Variants in UGT2B4 observed in about 807,000 individuals in gnomAD.
The protein encoded by UGT2B4 is UDP-glucuronosyltransferase 2B4.
Under a neutral mutation model 49.8 loss-of-function variants are expected in UGT2B4, and 49 were observed. That is an observed-to-expected ratio of 0.98 (90% CI 0.78 to 1.25). The LOEUF (loss-of-function observed/expected upper bound fraction) is 1.25. Ranked by LOEUF, UGT2B4 falls within the 50% of genes most tolerant of loss-of-function variation. UGT2B4 has a pLI of 0.00. For missense variants in UGT2B4, 729 were observed against 627.7 expected (o/e 1.16, Z -1.73); for synonymous variants, 246 against 217.7 (o/e 1.13, Z -1.14).
chr4:69,500,614 A>AAAGAAAGAAAGAAAG (rs1728285776), upstream of UGT2B4, among the ~76,000 whole-genome samples: 2 of 114,622 alleles, frequency 1.7e-5, no homozygotes, highest in African/African-American at 6.3e-5. Flanking sequence ...AGGAAGAAAG[A>AAAGAAAGAAAGAAAG]AAGAAAGAAA....
Position 69,495,669 on chromosome 4 carries a change from C to A in UGT2B4, c.193G>T (p.Asp65Tyr), listed in dbSNP as rs140509960. 8.7e-6 allele frequency: 14 copies of A among 1,613,946 alleles called. No homozygotes were observed. Among genetic ancestry groups the A allele is most frequent in the African/African-American group, 1.3e-5 (1 of 75,024 alleles). The change falls in exon 1 of 6, where the codon GAT (aspartate) becomes TAT (tyrosine). Residue 65 changes from aspartate (D) to tyrosine (Y), a missense_variant. Physicochemically the swap from Asp to Tyr is radical, Grantham distance 160. Transcript: ENST00000305107. Reference sequence around the variant, plus strand: ...TTAAGAGTAGATGGGCTGTTGGGATCGAAAGAAATGGAAGCTGAAGATGCC... The same window carrying A: ...TTAAGAGTAGATGGGCTGTTGGGATAGAAAGAAATGGAAGCTGAAGATGCC... Reference protein sequence around the residue: ...VLASSASISFDPNSPSTLKFE... With the variant: ...VLASSASISFYPNSPSTLKFE...
chr4:69,501,634 C>A (rs1196822647), intron 1 of UGT2B4, among the ~76,000 whole-genome samples: 1 of 152,076 alleles, frequency 6.6e-6, no homozygotes, highest in Non-Finnish European at 1.5e-5. Flanking sequence ...AGTCTCCCAA[C>A]AGGGATTTTG....
intron 1 of UGT2B4, among the ~76,000 whole-genome samples, chr4:69,519,495 T>C (rs904414303): frequency 4.6e-5 from 7 of 152,226 alleles, no homozygotes; most frequent in African/African-American, 1.7e-4. Context: ...TACTCAGATA[T>C]CTATCTTTCT....
intron 2 of UGT2B4, among the ~76,000 whole-genome samples, chr4:69,491,154 A>G (rs1023682716): frequency 5.3e-5 from 8 of 152,026 alleles, no homozygotes; most frequent in African/African-American, 1.9e-4. Flanking sequence ...TTATTTAGAC[A>G]ATTTTATTCT....
intron 1 of UGT2B4, among the ~76,000 whole-genome samples, chr4:69,523,950 C>CCAAT (rs1728903241): frequency 6.6e-6 from 1 of 152,060 alleles, no homozygotes; most frequent in Non-Finnish European, 1.5e-5. Context: ...GTTTCATGAG[C>CCAAT]CAATGTCTGC....
Position 69,493,749 on chromosome 4 carries a change from G to A in UGT2B4, c.814C>T (p.Pro272Ser). ...AGTCCTCCAACGAACTCAACATTTG[G>A]TAAGAGTGGGTGAGGAAATTGAAAA... Reference protein sequence around the residue: ...WDFQFPHPLLPNVEFVGGLHC... With the variant: ...WDFQFPHPLLSNVEFVGGLHC... The change falls in exon 2 of 6, where the codon CCA (proline) becomes TCA (serine). Residue 272 changes from proline (P) to serine (S), a missense_variant. By Grantham distance (74) the Pro-to-Ser change is moderately conservative (BLOSUM62 -1). Transcript: ENST00000305107. 2 of 1,611,892 alleles carry A rather than the reference G, an allele frequency of 1.2e-6. No homozygotes were observed. Among genetic ancestry groups the A allele is most frequent in the Non-Finnish European group, 1.7e-6 (2 of 1,179,042 alleles).
chr4:69,509,012 A>G (rs1287101601), intron 1 of UGT2B4, among the ~76,000 whole-genome samples: 2 of 152,060 alleles, frequency 1.3e-5, no homozygotes, highest in Non-Finnish European at 2.9e-5. Context: ...GGAAGCCAAC[A>G]TGCTACTCTC....
chr4:69,520,859 T>A (rs1439334977), intron 1 of UGT2B4, among the ~76,000 whole-genome samples: 1 of 152,118 alleles, frequency 6.6e-6, no homozygotes, highest in African/African-American at 2.4e-5. Flanking sequence ...GGCAGATCCC[T>A]GATGAAGCCC....
chr4:69,490,866 C>T (rs1446773452), intron 2 of UGT2B4, among the ~76,000 whole-genome samples: 2 of 152,066 alleles, frequency 1.3e-5, no homozygotes, highest in Non-Finnish European at 2.9e-5. Flanking sequence ...GTTTCAGTGG[C>T]TTGATGTCCA....
chr4:69,500,423 A>T (rs1374455503), upstream of UGT2B4, among the ~76,000 whole-genome samples: 1 of 151,718 alleles, frequency 6.6e-6, no homozygotes, highest in Non-Finnish European at 1.5e-5. Flanking sequence ...AAGAACAACA[A>T]CAAAAATAAA....
At chr4:69,503,103 C>T (rs1344269227) in intron 1 of UGT2B4, among the ~76,000 whole-genome samples, 2 of 152,196 alleles carry the variant, frequency 1.3e-5, no homozygotes, top group East Asian at 1.9e-4. Context: ...TCTCTTTAGG[C>T]TTAACTTGGT....
intron 1 of UGT2B4, among the ~76,000 whole-genome samples, chr4:69,507,552 C>T (rs988886624): frequency 2.0e-5 from 3 of 152,032 alleles, no homozygotes; most frequent in Non-Finnish European, 2.9e-5. Context: ...CAAACAAGTA[C>T]TGCCGAAAGA....
Position 69,480,292 on chromosome 4 carries a change from C to G in UGT2B4, c.*342G>C. 1 of 220,610 alleles carries G rather than the reference C, an allele frequency of 4.5e-6. No homozygotes were observed. 13.7% of individuals were successfully genotyped at this position (220,610 alleles called of 1,614,324 possible). ...TACTGTCAGTGGACTTCTTAATGTT[C>G]TTGTTTCCATGTACAATGTGTGACA... On this transcript the variant is annotated 3_prime_UTR_variant, in exon 6 of 6. Coordinates refer to ENST00000305107, the MANE Select transcript of UGT2B4 (RefSeq NM_021139.3).
chr4:69,490,093 A>G (rs1727934949), intron 2 of UGT2B4, among the ~76,000 whole-genome samples: 1 of 152,112 alleles, frequency 6.6e-6, no homozygotes, highest in Non-Finnish European at 1.5e-5. Context: ...ATAATCCTTT[A>G]CACTTCACTT....
At chr4:69,500,653 GAAAGAAAGAAAGA>G, upstream of UGT2B4, among the ~76,000 whole-genome samples, 1 of 122,592 alleles carries the variant, frequency 8.2e-6, no homozygotes, top group African/African-American at 2.6e-5. Flanking sequence ...AAGAAAGAAA[GAAAGAAAGAAAGA>G]AAGGAAGGAA....
chr4:69,501,914 G>A (rs888226618), intron 1 of UGT2B4, among the ~76,000 whole-genome samples: 8 of 152,070 alleles, frequency 5.3e-5, no homozygotes, highest in African/African-American at 1.9e-4. Context: ...GGCTCATGAG[G>A]GAACTTCCTG....
upstream of UGT2B4, among the ~76,000 whole-genome samples, chr4:69,496,687 C>T (rs1048333486): frequency 2.0e-5 from 3 of 152,150 alleles, no homozygotes; most frequent in African/African-American, 7.2e-5. Flanking sequence ...CTTCTTTCTG[C>T]ATTTGTCCTA....
At chr4:69,500,890 A>G (rs1728303111), upstream of UGT2B4, among the ~76,000 whole-genome samples, 1 of 152,212 alleles carries the variant, frequency 6.6e-6, no homozygotes, top group Non-Finnish European at 1.5e-5. Flanking sequence ...GTTTAGGCAG[A>G]GCAGCAGCTC....
At chr4:69,501,523 G>A (rs1035926765) in intron 1 of UGT2B4, among the ~76,000 whole-genome samples, 3 of 152,142 alleles carry the variant, frequency 2.0e-5, no homozygotes, top group Non-Finnish European at 2.9e-5. Context: ...GATGACTGGG[G>A]TGAAAGTGAT....
Sources: gnomAD v4.1 joint callset for allele counts (sites outside exome capture counted in the v4.1 genomes callset) on GRCh38, gnomAD v4.1.1 for gene constraint, MANE v1.5 for transcripts, NCBI Gene and HGNC (gene_info 2026-07-23, HGNC 2026-07-21) for gene names.